The following RAB11FIP3 variants were observed in gnomAD, a reference collection of about 807,000 sequenced individuals.
RAB11FIP3 encodes rab11 family-interacting protein 3.
Under a neutral mutation model 77.8 loss-of-function variants are expected in RAB11FIP3, and 17 were observed. The ratio of observed to expected loss-of-function variants is 0.22; its 90% confidence interval spans 0.15 to 0.33. RAB11FIP3 has a LOEUF of 0.33. Among genes scored for constraint, RAB11FIP3 ranks in the 10% least tolerant of loss-of-function variants. The pLI is 1.00. For synonymous variants in RAB11FIP3, 437 were observed against 448.2 expected, an observed-to-expected ratio of 0.98 and a Z score of 0.31; for missense variants, 1,005 against 1,011.2, an observed-to-expected ratio of 0.99 and a Z score of 0.08.
At chr16:468,786 T>C (rs1207221700) in intron 2 of RAB11FIP3, among the ~76,000 whole-genome samples, 2 of 152,218 alleles carry the variant, frequency 1.3e-5, no homozygotes, top group Non-Finnish European at 2.9e-5. Flanking sequence ...AAATTCCTAA[T>C]TAATTGAAAA....
At chr16:513,192 G>A (rs1232725314) in intron 9 of RAB11FIP3, among the ~76,000 whole-genome samples, 2 of 152,152 alleles carry the variant, frequency 1.3e-5, no homozygotes, top group Non-Finnish European at 2.9e-5. Flanking sequence ...AGTGAGGGTG[G>A]AGGAAGTTGT....
intron 7 of RAB11FIP3, among the ~76,000 whole-genome samples, chr16:503,928 CCCCCTCAATTCCTCCTGTA>C (rs1330560119): frequency 2.0e-5 from 3 of 147,426 alleles, no homozygotes; most frequent in African/African-American, 7.6e-5. Context: ...TACTCCTGTA[CCCCCTCAATTCCTCCTGTA>C]CCCCTCATCT....
chr16:493,754 C>T (rs2030823610), intron 5 of RAB11FIP3, among the ~76,000 whole-genome samples: 2 of 148,718 alleles, frequency 1.3e-5, no homozygotes, highest in African/African-American at 5.0e-5. Context: ...CTACAGGCGC[C>T]CATCACCACA....
In RAB11FIP3 at chr16:461,500, C is replaced by T; in HGVS notation, c.808+3C>T. On this transcript the variant is annotated splice_donor_region_variant and intron_variant, in intron 2 of 13. Coordinates refer to ENST00000262305, the MANE Select transcript of RAB11FIP3 (RefSeq NM_014700.4). The surrounding 1 kb of genome is among the most constrained non-coding windows in gnomAD (Gnocchi z 4.5). ...GATCACAGCCATCAGAAACGGAGGTCAGTCATCCCCGCCATGAGCTCCCAC... is the reference window on the plus strand; with the variant it reads ...GATCACAGCCATCAGAAACGGAGGTTAGTCATCCCCGCCATGAGCTCCCAC... The T allele has an allele frequency of 2.5e-6, 4 of 1,606,768 alleles. No homozygotes were observed. Among genetic ancestry groups the T allele is most frequent in the Non-Finnish European group, 3.4e-6 (4 of 1,175,838 alleles).
rs558160170 is a variant in RAB11FIP3 at position 521,159 on chromosome 16, G to A, written c.*320G>A. The stretch of plus-strand genomic sequence containing the variant: ...CCTGAGTCAAGCTGGCCATGAACGC[G>A]TACACTTCAGTTCAGCAGGATGGGC... On this transcript the variant is annotated 3_prime_UTR_variant, in exon 14 of 14. Transcript: ENST00000262305. 1.5e-4 allele frequency: 63 copies of A among 427,174 alleles called. No individual in the cohort carries two copies. In the East Asian group the frequency reaches 2.5e-3, roughly 17 times the overall value. The allele number at this position is 427,174 out of a possible 1,614,324, so 26.5% of individuals were successfully genotyped here.
intron 1 of RAB11FIP3, among the ~76,000 whole-genome samples, chr16:434,514 C>T (rs2055095558): frequency 6.6e-6 from 1 of 152,132 alleles, no homozygotes; most frequent in African/African-American, 2.4e-5. Context: ...GCAGCCTTGA[C>T]CTCCCAGGCT....
chr16:454,965 G>T (rs2055471419), intron 1 of RAB11FIP3, among the ~76,000 whole-genome samples: 1 of 150,818 alleles, frequency 6.6e-6, no homozygotes, highest in South Asian at 2.1e-4. Context: ...CACGAGAATT[G>T]CTTGAACCCG....
At chr16:495,066 C>A (rs946911931) in intron 5 of RAB11FIP3, among the ~76,000 whole-genome samples, 1 of 148,140 alleles carries the variant, frequency 6.8e-6, no homozygotes. Context: ...TGTGGTTGCA[C>A]CACTGCACTT....
intron 4 of RAB11FIP3, among the ~76,000 whole-genome samples, chr16:486,207 A>C (rs2056150426): frequency 6.6e-6 from 1 of 152,100 alleles, no homozygotes; most frequent in African/African-American, 2.4e-5. Flanking sequence ...CTAGTTTTTA[A>C]GCAGTATAAC....
intron 6 of RAB11FIP3, among the ~76,000 whole-genome samples, chr16:497,881 C>T (rs965329997): frequency 4.7e-5 from 7 of 147,812 alleles, no homozygotes; most frequent in Non-Finnish European, 1.0e-4. Flanking sequence ...GAAGTTTAAC[C>T]TTTCTGACTC....
At chr16:438,562 C>T (rs138890395) in intron 1 of RAB11FIP3, among the ~76,000 whole-genome samples, 7 of 149,742 alleles carry the variant, frequency 4.7e-5, no homozygotes, top group African/African-American at 1.2e-4. Flanking sequence ...CACGCCACCA[C>T]GCCTGGCTAA....
chr16:520,619 C>G lies in RAB11FIP3; in HGVS notation c.2157+20C>G. The G allele has an allele frequency of 6.2e-7, 1 of 1,612,310 alleles. No individual in the cohort carries two copies. Among genetic ancestry groups the G allele is most frequent in the Non-Finnish European group, 8.5e-7 (1 of 1,179,102 alleles). ...GATGAGGTAACACATCCCGTGTCTG[C>G]ACGGTGTGGCCTGGGGTCCACAGTC... On this transcript the variant is annotated intron_variant, in intron 13 of 13. Coordinates refer to ENST00000262305, the MANE Select transcript of RAB11FIP3 (RefSeq NM_014700.4).
chr16:453,218 G>T (rs576140149), intron 1 of RAB11FIP3, among the ~76,000 whole-genome samples: 1 of 151,788 alleles, frequency 6.6e-6, no homozygotes, highest in South Asian at 2.1e-4. Context: ...GGGACTACAG[G>T]TGCCCGCCAC....
Position 519,018 on chromosome 16 carries a change from G to A in RAB11FIP3, c.1716G>A (p.Leu572=). The A allele has an allele frequency of 2.5e-6, 4 of 1,613,310 alleles. No homozygotes were observed. The highest frequency in any genetic ancestry group is 1.1e-5 in the South Asian group (1 of 91,092). ...TPCLKANIER[L]EEEKQKLLDE... is the part of the protein sequence containing the mutation. ...GTCTGAAGGCCAACATTGAGCGTCT[G>A]GAGGAGGTGAGCTGCCAACAGCCTG... Residue 572 remains leucine, a synonymous_variant, in exon 10 of 14, where the codon CTG becomes CTA. Coordinates refer to ENST00000262305, the MANE Select transcript of RAB11FIP3 (RefSeq NM_014700.4).
intron 1 of RAB11FIP3, among the ~76,000 whole-genome samples, chr16:454,728 CTCTT>C (rs2055467944): frequency 6.6e-6 from 1 of 152,090 alleles, no homozygotes; most frequent in South Asian, 2.1e-4. Context: ...CACATACAGG[CTCTT>C]TCTCATTCAA....
intron 4 of RAB11FIP3, among the ~76,000 whole-genome samples, chr16:487,690 G>T (rs963216302): frequency 1.3e-5 from 2 of 152,122 alleles, no homozygotes; most frequent in Non-Finnish European, 2.9e-5. Flanking sequence ...CCTGCGGGAG[G>T]GTGGGAGTGG....
At chr16:487,882 C>T (rs1403045403) in intron 4 of RAB11FIP3, among the ~76,000 whole-genome samples, 1 of 152,150 alleles carries the variant, frequency 6.6e-6, no homozygotes, top group Non-Finnish European at 1.5e-5. Flanking sequence ...AGAGTTTGAA[C>T]GGCGCCCCCC....
intron 1 of RAB11FIP3, among the ~76,000 whole-genome samples, chr16:448,396 G>C (rs1208026944): frequency 6.6e-6 from 1 of 151,950 alleles, no homozygotes; most frequent in Non-Finnish European, 1.5e-5. Context: ...CTGAGGTCAG[G>C]AGTTTGAGAC....
intron 9 of RAB11FIP3, among the ~76,000 whole-genome samples, chr16:513,839 G>A (rs1489999797): frequency 6.6e-6 from 1 of 152,216 alleles, no homozygotes; most frequent in African/African-American, 2.4e-5. Flanking sequence ...GTGGGGCGCC[G>A]TCTTCTGGGG....
Sources: allele counts gnomAD v4.1 joint callset (sites outside exome capture counted in the v4.1 genomes callset), GRCh38; gene constraint gnomAD v4.1.1; non-coding constraint Gnocchi (gnomAD v3.1); transcripts MANE v1.5; gene names NCBI Gene and HGNC (gene_info 2026-07-23, HGNC 2026-07-21).